Variants in LMTK2 observed in about 807,000 individuals in gnomAD.
LMTK2 encodes the protein lemur tail kinase 2.
A neutral mutation model predicts 127.5 loss-of-function variants in LMTK2; 37 were observed. The observed-to-expected ratio is 0.29, with a 90% CI of 0.22 to 0.38. The LOEUF (loss-of-function observed/expected upper bound fraction) is 0.38. Ranked by LOEUF, LMTK2 falls within the 10% of genes least tolerant of loss-of-function variation. The probability of loss-of-function intolerance (pLI) is 1.00; values close to 1 mark genes in which losing one functional copy is unlikely to be tolerated. For synonymous variants in LMTK2, 819 were observed against 810.1 expected, an observed-to-expected ratio of 1.01 and a Z score of -0.19; for missense variants, 1,694 against 1,920.3, an observed-to-expected ratio of 0.88 and a Z score of 2.20.
chr7:98,205,560 C>G lies in LMTK2; in HGVS notation c.*68C>G. 1 of 1,533,670 alleles carries G rather than the reference C, an allele frequency of 6.5e-7. No individual in the cohort carries two copies. Among genetic ancestry groups the G allele is most frequent in the Non-Finnish European group, 8.9e-7 (1 of 1,117,958 alleles). ...GGAGCGGCGCCCCTGCGCCCTCAGC[C>G]CGAGCAGCGACATCCACTCGCCATT... On this transcript the variant is annotated 3_prime_UTR_variant, in exon 14 of 14. Transcript: ENST00000297293.
intron 1 of LMTK2, among the ~76,000 whole-genome samples, chr7:98,132,240 G>A (rs1796529581): frequency 1.3e-5 from 2 of 151,922 alleles, no homozygotes; most frequent in African/African-American, 2.4e-5. Context: ...ACTGCCAGAG[G>A]ATGCTAGTGA....
chr7:98,168,336 GTGGT>G (rs1797133786), intron 6 of LMTK2, among the ~76,000 whole-genome samples: 1 of 152,238 alleles, frequency 6.6e-6, no homozygotes, highest in African/African-American at 2.4e-5. Flanking sequence ...GGGGGGACCA[GTGGT>G]GCTGAGAAAA....
rs148487586 is a variant in LMTK2 at position 98,192,367 on chromosome 7, T to C, written c.1902T>C (p.Asn634=). 5.7e-5 allele frequency: 91 copies of C among 1,596,866 alleles called. No homozygotes were observed. The highest frequency in any genetic ancestry group is 7.2e-5 in the Non-Finnish European group (85 of 1,175,116). The change falls in exon 11 of 14, where the codon AAT becomes AAC. Residue 634 remains asparagine, a synonymous_variant. Coordinates refer to ENST00000297293, the MANE Select transcript of LMTK2 (RefSeq NM_014916.4). ...VTSGPESPFN[N]IFNDVDKSED... ...GTGGCCCCGAGAGCCCTTTCAACAATATATTTAATGATGTGGACAAATCGG... is the reference window on the plus strand; with the variant it reads ...GTGGCCCCGAGAGCCCTTTCAACAACATATTTAATGATGTGGACAAATCGG...
intron 1 of LMTK2, among the ~76,000 whole-genome samples, chr7:98,120,276 TC>T (rs34797243): frequency 6.6e-6 from 1 of 152,166 alleles, no homozygotes; most frequent in African/African-American, 2.4e-5. Context: ...TATTTTTTTT[TC>T]CCCCTTCAGG....
At position 98,191,711 on chromosome 7, in the gene LMTK2, C is replaced by G; in HGVS notation, c.1246C>G (p.Arg416Gly). The change falls in exon 11 of 14, where the codon CGG (arginine) becomes GGG (glycine). Residue 416 changes from arginine to glycine, a missense_variant. By Grantham distance (125) the Arg-to-Gly change is moderately radical. This residue lies in a region of LMTK2 where 216 missense variants were observed against 266.8 expected (regional missense o/e 0.81). Transcript: ENST00000297293. ...GACTTACCTGCGGCTGCAGAGCCAG[C>G]GGGACTCAGAGGTCGACTTTGAACA... ...LLTYLRLQSQ[R>G]DSEVDFEQQW... 1 of 1,614,172 alleles carries G rather than the reference C, an allele frequency of 6.2e-7. No individual in the cohort carries two copies.
chr7:98,134,986 C>A (rs1796578476), intron 1 of LMTK2, among the ~76,000 whole-genome samples: 1 of 152,214 alleles, frequency 6.6e-6, no homozygotes, highest in Non-Finnish European at 1.5e-5. Flanking sequence ...ATTCTCAACA[C>A]CCCTTGGTTA....
Position 98,205,610 on chromosome 7 carries a change from A to G in LMTK2, c.*118A>G. ...TTGCTGACATGAGATTGGGAGGAAG[A>G]ATCCAGAGGTGAAGAGGGAGACGGC... On this transcript the variant is annotated 3_prime_UTR_variant, in exon 14 of 14. Transcript: ENST00000297293. 1 of 1,119,950 alleles carries G rather than the reference A, an allele frequency of 8.9e-7. No homozygotes were observed. The highest frequency in any genetic ancestry group is 1.3e-5 in the South Asian group (1 of 76,800). The allele number at this position is 1,119,950 out of a possible 1,614,324, so 69.4% of individuals were successfully genotyped here.
At chr7:98,191,556 C>CAAAAA in intron 10 of LMTK2, 58 bp from the exon 11 acceptor site, 2 of 1,243,394 alleles carry the variant, frequency 1.6e-6, no homozygotes, top group Non-Finnish European at 2.2e-6. Flanking sequence ...CGTCTCGAAC[C>CAAAAA]AAAAAAAAAA....
rs540685125 is a variant in LMTK2 at position 98,142,051 on chromosome 7, G to A, written c.376+510G>A. On this transcript the variant is annotated intron_variant, in intron 3 of 13. Transcript: ENST00000297293. ...AATGTGACTATAGTTTTTTTTTTTA[G>A]AGTTTGAAATTTAAGCCCTTTTTAG... 9.2e-5 allele frequency among the ~76,000 whole-genome samples: 14 copies of A among 151,616 alleles called. No homozygotes were observed. The South Asian group carries it at 1.7e-3, about 18-fold the overall frequency.
At chr7:98,186,010 G>A (rs1797427140) in intron 8 of LMTK2, among the ~76,000 whole-genome samples, 1 of 151,742 alleles carries the variant, frequency 6.6e-6, no homozygotes, top group Non-Finnish European at 1.5e-5. Flanking sequence ...AGTGTCTCGA[G>A]CACTTGCTAG....
chr7:98,191,201 G>T (rs1797518114), intron 10 of LMTK2, among the ~76,000 whole-genome samples: 2 of 152,118 alleles, frequency 1.3e-5, no homozygotes, highest in South Asian at 2.1e-4. Context: ...TCCCACTTCA[G>T]CCTCCCATTG....
At chr7:98,138,575 C>G (rs1271447541) in intron 2 of LMTK2, among the ~76,000 whole-genome samples, 1 of 152,144 alleles carries the variant, frequency 6.6e-6, no homozygotes, top group East Asian at 1.9e-4. Flanking sequence ...CCTTAGAACC[C>G]CTACACACAC....
chr7:98,139,522 T>C (rs1796646924), intron 2 of LMTK2, among the ~76,000 whole-genome samples: 2 of 152,208 alleles, frequency 1.3e-5, no homozygotes, highest in African/African-American at 4.8e-5. Flanking sequence ...GGCATTATTT[T>C]AAGGTAGGAG....
intron 6 of LMTK2, among the ~76,000 whole-genome samples, chr7:98,168,018 G>C (rs1336744749): frequency 1.3e-5 from 2 of 152,214 alleles, no homozygotes; most frequent in African/African-American, 4.8e-5. Context: ...GAAGTGGGCA[G>C]GTCACTCCTT....
intron 10 of LMTK2, 54 bp from the exon 11 acceptor site, chr7:98,191,556 CAAAA>C (rs377130793): frequency 2.9e-5 from 36 of 1,243,368 alleles, no homozygotes; most frequent in East Asian, 1.0e-4. Context: ...CGTCTCGAAC[CAAAA>C]AAAAAAAAAA....
At chr7:98,201,212 C>T (rs1319087461) in intron 11 of LMTK2, among the ~76,000 whole-genome samples, 1 of 152,114 alleles carries the variant, frequency 6.6e-6, no homozygotes, top group Admixed American at 6.6e-5. Context: ...CTTCCTTCCA[C>T]CCTCCACGGT....
intron 8 of LMTK2, among the ~76,000 whole-genome samples, chr7:98,186,561 T>G (rs895351895): frequency 6.6e-6 from 1 of 152,186 alleles, no homozygotes; most frequent in Non-Finnish European, 1.5e-5. Context: ...GTTCAGCGCA[T>G]AAGTCCCAGT....
rs559843435 is a variant in LMTK2 at position 98,114,918 on chromosome 7, T to TA, written c.103+7639dup. On this transcript the variant is annotated intron_variant, in intron 1 of 13. Coordinates refer to ENST00000297293, the MANE Select transcript of LMTK2 (RefSeq NM_014916.4). Reference sequence around the variant, plus strand: ...GAGTTATTGATCCTGGCCCAGCCCTTAGAGATTCCTTCCCTTGGTGAACTT... The same window carrying TA: ...GAGTTATTGATCCTGGCCCAGCCCTTAAGAGATTCCTTCCCTTGGTGAACTT... Among the ~76,000 whole-genome samples the TA allele has an allele frequency of 8.9e-4, 136 of 152,196 alleles. 2 individuals carry two copies. Among genetic ancestry groups the TA allele is most frequent in the African/African-American group, 3.2e-3 (133 of 41,528 alleles).
At chr7:98,122,718 GTGTGTGTGTATA>G (rs777732923) in intron 1 of LMTK2, among the ~76,000 whole-genome samples, 10,150 of 40,904 alleles carry the variant, frequency 0.25, 678 homozygotes, top group Middle Eastern at 0.48. Context: ...GTGTGTGTGT[GTGTGTGTGTATA>G]TATATAACTG....
Sources: allele counts gnomAD v4.1 joint callset (sites outside exome capture counted in the v4.1 genomes callset), GRCh38; gene constraint gnomAD v4.1.1; regional missense constraint gnomAD v4.1.1; transcripts MANE v1.5; gene names NCBI Gene and HGNC (gene_info 2026-07-23, HGNC 2026-07-21).